Variants in RANBP2 observed in about 807,000 individuals in gnomAD.
RANBP2 encodes the protein E3 SUMO-protein ligase RanBP2.
RANBP2 carries 57 observed loss-of-function variants against 303.6 expected under a neutral mutation model. The ratio of observed to expected loss-of-function variants is 0.19; its 90% confidence interval spans 0.15 to 0.23. RANBP2 has a LOEUF of 0.23. RANBP2 is among the 10% of genes least tolerant of loss of function. The pLI, the probability that RANBP2 is intolerant of heterozygous loss-of-function variation, is 1.00. For missense variants in RANBP2, 3,138 were observed against 3,780.8 expected (o/e 0.83, Z 4.46); for synonymous variants, 1,167 against 1,301.5 (o/e 0.90, Z 2.23).
the RANBP2 span, among the ~76,000 whole-genome samples, chr2:109,302,751 CACG>C: frequency 1.2e-5 from 1 of 81,618 alleles, no homozygotes; most frequent in Non-Finnish European, 2.3e-5. Context: ...TGTTTTCAGA[CACG>C]ACATTTCACC....
At chr2:108,744,908 T>C (rs2912849) in intron 7 of RANBP2, among the ~76,000 whole-genome samples, 5 of 152,228 alleles carry the variant, frequency 3.3e-5, no homozygotes, top group Non-Finnish European at 5.9e-5. Flanking sequence ...CATATATATC[T>C]CCTGTCTTTA....
the RANBP2 span, among the ~76,000 whole-genome samples, chr2:109,343,188 G>A: frequency 6.6e-6 from 1 of 152,106 alleles, no homozygotes; most frequent in Non-Finnish European, 1.5e-5. Flanking sequence ...CCCCATAATA[G>A]CATCTGCCTG....
At chr2:108,962,122 A>T in the RANBP2 span, among the ~76,000 whole-genome samples, 1 of 152,196 alleles carries the variant, frequency 6.6e-6, no homozygotes, top group East Asian at 1.9e-4. Context: ...GAACTCTGGT[A>T]GGGTAGCATG....
chr2:108,814,140 G>T, the RANBP2 span, among the ~76,000 whole-genome samples: 1 of 152,126 alleles, frequency 6.6e-6, no homozygotes, highest in African/African-American at 2.4e-5. Flanking sequence ...GGTCGATAAA[G>T]GTAGATGTAT....
chr2:109,022,672 G>T, the RANBP2 span, among the ~76,000 whole-genome samples: 10 of 152,262 alleles, frequency 6.6e-5, no homozygotes, highest in Admixed American at 2.6e-4. Context: ...TCGGGTGATG[G>T]TCACACTAAA....
the RANBP2 span, among the ~76,000 whole-genome samples, chr2:109,073,102 A>G: frequency 6.6e-6 from 1 of 152,226 alleles, no homozygotes; most frequent in East Asian, 1.9e-4. Flanking sequence ...CAGAATGGAG[A>G]TATGTGATTT....
At chr2:109,549,420 G>A in the RANBP2 span, among the ~76,000 whole-genome samples, 1 of 152,124 alleles carries the variant, frequency 6.6e-6, no homozygotes, top group African/African-American at 2.4e-5. Flanking sequence ...TTAAACAAGG[G>A]GGCAGGGAAG....
the RANBP2 span, among the ~76,000 whole-genome samples, chr2:109,276,654 A>T: frequency 3.9e-5 from 6 of 152,204 alleles, no homozygotes; most frequent in African/African-American, 1.4e-4. Context: ...GACAAATCTG[A>T]ACTGTTACCA....
chr2:109,545,037 G>C, the RANBP2 span: 1 of 985,330 alleles, frequency 1.0e-6, no homozygotes, highest in African/African-American at 1.7e-5. Context: ...CCACCAATGG[G>C]CCAAGGTTAT....
the RANBP2 span, among the ~76,000 whole-genome samples, chr2:108,995,272 C>T: frequency 6.6e-5 from 10 of 152,198 alleles, no homozygotes; most frequent in South Asian, 4.1e-4. Flanking sequence ...GTGATCCTCC[C>T]ACCTTGGCTT....
At chr2:109,354,718 C>T in the RANBP2 span, among the ~76,000 whole-genome samples, 15 of 152,358 alleles carry the variant, frequency 9.8e-5, no homozygotes, top group South Asian at 1.4e-3. Context: ...ACAGGGAAGG[C>T]GAGCGTCGGC....
At chr2:108,969,304 A>G in the RANBP2 span, among the ~76,000 whole-genome samples, 2 of 151,578 alleles carry the variant, frequency 1.3e-5, no homozygotes, top group Admixed American at 6.6e-5. Context: ...TCTTTCCAAG[A>G]CCTTATTTGA....
the RANBP2 span, among the ~76,000 whole-genome samples, chr2:109,367,119 A>ATTGTTT: frequency 8.8e-6 from 1 of 113,292 alleles, no homozygotes; most frequent in Non-Finnish European, 1.8e-5. Context: ...TGCCCTGGTA[A>ATTGTTT]TTTTTTTTTT....
the RANBP2 span, among the ~76,000 whole-genome samples, chr2:109,633,447 T>G: frequency 0.88 from 134,281 of 151,906 alleles, 59,391 homozygotes; most frequent in Middle Eastern, 0.96. Context: ...AGAATGAAGG[T>G]AACAGGCAGG....
chr2:108,751,957 C>G lies in RANBP2; in HGVS notation c.1718C>G (p.Ala573Gly), dbSNP rs141122553. The G allele has an allele frequency of 1.4e-4, 223 of 1,611,862 alleles. No homozygotes were observed. Among genetic ancestry groups the G allele is most frequent in the Non-Finnish European group, 1.8e-4 (212 of 1,179,864 alleles). ...RAQEKHGLQP[A>G]LLVHWAECLQ... The stretch of plus-strand genomic sequence containing the variant: ...CAGGAAAAACATGGCCTTCAACCTG[C>G]TCTGCTTGTACATTGGGCAGAATGC... The change falls in exon 12 of 29, where the codon GCT (alanine) becomes GGT (glycine). Residue 573 changes from alanine to glycine, a missense_variant. By Grantham distance (60) the Ala-to-Gly change is moderately conservative. This residue lies in a region of RANBP2 where 162 missense variants were observed against 286.9 expected (regional missense o/e 0.56). Transcript: ENST00000283195.
the RANBP2 span, among the ~76,000 whole-genome samples, chr2:109,482,716 T>G: frequency 0.65 from 98,268 of 151,696 alleles, 32,614 homozygotes; most frequent in African/African-American, 0.77. Flanking sequence ...TGTCCCTGCC[T>G]GCACCTCCGG....
chr2:108,962,401 C>T, the RANBP2 span, among the ~76,000 whole-genome samples: 4 of 152,074 alleles, frequency 2.6e-5, no homozygotes, highest in African/African-American at 9.7e-5. Flanking sequence ...CGGCCAGACG[C>T]GGTGGCTCAC....
the RANBP2 span, among the ~76,000 whole-genome samples, chr2:109,036,945 A>G: frequency 6.6e-6 from 1 of 152,132 alleles, no homozygotes; most frequent in Non-Finnish European, 1.5e-5. Flanking sequence ...GGAGTTTCAG[A>G]CCAGCCTGGC....
chr2:109,049,851 C>T, the RANBP2 span, among the ~76,000 whole-genome samples: 1 of 152,210 alleles, frequency 6.6e-6, no homozygotes, highest in Non-Finnish European at 1.5e-5. Context: ...CCGTTCGGGG[C>T]TATTCTTCAT....
Sources: allele counts gnomAD v4.1 joint callset (sites outside exome capture counted in the v4.1 genomes callset), GRCh38; gene constraint gnomAD v4.1.1; regional missense constraint gnomAD v4.1.1; transcripts MANE v1.5; gene names NCBI Gene and HGNC (gene_info 2026-07-23, HGNC 2026-07-21).